DYM: variants seen among roughly 807,000 people sequenced by gnomAD.
DYM encodes the protein dymeclin, also known as dyggve-Melchior-Clausen syndrome protein.
A neutral mutation model predicts 93.1 loss-of-function variants in DYM; 78 were observed. The ratio of observed to expected loss-of-function variants is 0.84; its 90% CI spans 0.70 to 1.01. The LOEUF is 1.01. Among genes scored for constraint, DYM ranks in the 50% least tolerant of loss-of-function variants. DYM has a pLI of 0.00. For synonymous variants in DYM, 321 were observed against 319.7 expected (o/e 1.00, Z -0.04); for missense variants, 789 against 845.0 (o/e 0.93, Z 0.82).
intron 13 of DYM, among the ~76,000 whole-genome samples, chr18:49,212,070 C>A (rs925330119): frequency 3.3e-5 from 5 of 151,898 alleles, no homozygotes; most frequent in Non-Finnish European, 7.4e-5. Context: ...ATCTAATTCC[C>A]AAAAAATCAA....
chr18:49,377,248 T>C (rs1462623561), intron 5 of DYM, among the ~76,000 whole-genome samples: 1 of 152,194 alleles, frequency 6.6e-6, no homozygotes, highest in Admixed American at 6.6e-5. Flanking sequence ...TCTTTTCTAC[T>C]TCCCCATAAT....
At chr18:49,292,641 G>A (rs1220184687) in intron 8 of DYM, among the ~76,000 whole-genome samples, 2 of 114,420 alleles carry the variant, frequency 1.7e-5, no homozygotes, top group Admixed American at 9.4e-5. Context: ...ACAAAAACCT[G>A]TCCACCAGAA....
At chr18:49,303,696 A>G (rs1200998270) in intron 8 of DYM, among the ~76,000 whole-genome samples, 1 of 152,216 alleles carries the variant, frequency 6.6e-6, no homozygotes, top group Non-Finnish European at 1.5e-5. Flanking sequence ...CCAATTCTGA[A>G]GGACCACAGA....
In DYM at chr18:49,099,422, CA is replaced by C. The variant is rs199598742; in HGVS notation, c.1912-1908del. On this transcript the variant is annotated intron_variant, in intron 16 of 17. Transcript: ENST00000675505. ...GTGATTTTGATGATCAGTCAGAATC[CA>C]GACCAGAGGTTTCCAAACTTTTCAA... 1.6e-4 allele frequency among the ~76,000 whole-genome samples: 25 copies of C among 152,216 alleles called. No individual in the cohort carries two copies. In the East Asian group the frequency reaches 4.1e-3, roughly 25 times the overall value.
chr18:49,349,208 AAAAC>A (rs751673874), intron 6 of DYM, among the ~76,000 whole-genome samples: 3,838 of 152,214 alleles, frequency 0.025, 148 homozygotes, highest in African/African-American at 0.086. Context: ...ACTGTCTCAA[AAAAC>A]AAACAAACAA....
intron 14 of DYM, among the ~76,000 whole-genome samples, chr18:49,177,491 T>C (rs2089513340): frequency 6.6e-6 from 1 of 152,160 alleles, no homozygotes; most frequent in South Asian, 2.1e-4. Context: ...CCCTTAATCT[T>C]AATTTAGTGA....
intron 11 of DYM, among the ~76,000 whole-genome samples, chr18:49,271,533 G>A (rs1479884417): frequency 1.3e-5 from 2 of 152,040 alleles, no homozygotes; most frequent in Admixed American, 1.3e-4. Context: ...ATGTTACTTC[G>A]AAACATGGAC....
intron 11 of DYM, among the ~76,000 whole-genome samples, chr18:49,261,262 A>C (rs1349782428): frequency 6.6e-6 from 1 of 152,218 alleles, no homozygotes; most frequent in African/African-American, 2.4e-5. Context: ...CACATCACCC[A>C]GCATCCCCCA....
In DYM at chr18:49,313,493, A is replaced by AAAAAG. The variant is rs1568228013; in HGVS notation, c.763+18366_763+18370dup. On this transcript the variant is annotated intron_variant, in intron 8 of 17. Transcript: ENST00000675505. ...AAAAAAAAAAAAAAAAAAAAAAAAA[A>AAAAAG]AAAAGGGCTGCAGTAAAAAACCTGG... 6.6e-4 allele frequency among the ~76,000 whole-genome samples: 93 copies of AAAAAG among 141,104 alleles called. 2 individuals are homozygous for AAAAAG. Among genetic ancestry groups the AAAAAG allele is most frequent in the African/African-American group, 2.5e-3 (87 of 35,266 alleles). The allele number at this position is 141,104 out of a possible 152,430, so 92.6% of individuals were successfully genotyped here.
At position 49,204,340 on chromosome 18, in the gene DYM, A is replaced by T. The variant is rs555059549; in HGVS notation, c.1625+5211T>A. ...CAAGCAGCAACAATCTGAAGAGCCG[A>T]GTTAATAGTAACTCAAAATAAACTG... On this transcript the variant is annotated intron_variant, in intron 14 of 17. Coordinates refer to ENST00000675505, the MANE Select transcript of DYM (RefSeq NM_001353214.3). Among the ~76,000 whole-genome samples, 4 of 152,344 alleles carry T rather than the reference A, an allele frequency of 2.6e-5. 1 individual carries two copies. Among genetic ancestry groups the T allele is most frequent in the African/African-American group, 9.6e-5 (4 of 41,576 alleles).
At chr18:49,353,235 A>C (rs914374278) in intron 6 of DYM, among the ~76,000 whole-genome samples, 3 of 152,180 alleles carry the variant, frequency 2.0e-5, no homozygotes, top group Non-Finnish European at 4.4e-5. Context: ...TCTAGAAATT[A>C]GTAATATTTT....
chr18:49,085,832 G>T (rs1005879470), intron 17 of DYM, among the ~76,000 whole-genome samples: 1 of 151,926 alleles, frequency 6.6e-6, no homozygotes. Flanking sequence ...GCTCTTGAAC[G>T]TCTGACTGGT....
intron 13 of DYM, among the ~76,000 whole-genome samples, chr18:49,223,541 A>G (rs1450126512): frequency 6.6e-6 from 1 of 152,168 alleles, no homozygotes; most frequent in African/African-American, 2.4e-5. Flanking sequence ...AAAGATAATC[A>G]GGCATAATGT....
At position 49,452,784 on chromosome 18, in the gene DYM, T is replaced by C. The variant is rs1482262688; in HGVS notation, c.-54+7614A>G. 3.0e-5 allele frequency among the ~76,000 whole-genome samples: 4 copies of C among 135,544 alleles called. 1 individual carries two copies. The highest frequency in any genetic ancestry group is 5.7e-5 in the African/African-American group (2 of 34,786). The allele number at this position is 135,544 out of a possible 152,430, so 88.9% of individuals were successfully genotyped here. ...TGGCAGGCAGCTCTGCCTGCGGCCC[T>C]GGTGCAGGATCCACCAGGTGAAGCC... On this transcript the variant is annotated intron_variant, in intron 1 of 17. Transcript: ENST00000675505.
intron 17 of DYM, among the ~76,000 whole-genome samples, chr18:49,095,573 T>A (rs896492056): frequency 1.1e-4 from 17 of 152,014 alleles, no homozygotes; most frequent in African/African-American, 4.1e-4. Context: ...CCAAATTAAC[T>A]GGCCCTCTTA....
intron 13 of DYM, among the ~76,000 whole-genome samples, chr18:49,214,329 A>C (rs1261369901): frequency 6.6e-6 from 1 of 152,222 alleles, no homozygotes; most frequent in Non-Finnish European, 1.5e-5. Context: ...AGGAAGACGA[A>C]CCCTATTATG....
At chr18:49,357,689 A>G (rs1019423073) in intron 6 of DYM, among the ~76,000 whole-genome samples, 2 of 152,230 alleles carry the variant, frequency 1.3e-5, no homozygotes, top group Non-Finnish European at 2.9e-5. Flanking sequence ...GAAATATTTG[A>G]GTCTACCATG....
chr18:49,422,213 C>T (rs1342757760), intron 2 of DYM, among the ~76,000 whole-genome samples: 2 of 152,134 alleles, frequency 1.3e-5, no homozygotes, highest in Non-Finnish European at 2.9e-5. Flanking sequence ...TCAGATTCAA[C>T]CAAGTTGAAA....
Position 49,306,141 on chromosome 18 carries a change from C to T in DYM, c.764-19525G>A, listed in dbSNP as rs560355206. Among the ~76,000 whole-genome samples the T allele has an allele frequency of 2.6e-5, 4 of 152,210 alleles. No homozygotes were observed. The East Asian group carries it at 5.8e-4, about 22-fold the overall frequency. On this transcript the variant is annotated intron_variant, in intron 8 of 17. Transcript: ENST00000675505. ...TGCAGATGGAAGAGAAATGGAAATTCTAGGAGACCAAGATACATGAAGAAT... is the reference window on the plus strand; with the variant it reads ...TGCAGATGGAAGAGAAATGGAAATTTTAGGAGACCAAGATACATGAAGAAT...
Sources: gnomAD v4.1 joint callset for allele counts (sites outside exome capture counted in the v4.1 genomes callset) on GRCh38, gnomAD v4.1.1 for gene constraint, MANE v1.5 for transcripts, NCBI Gene and HGNC (gene_info 2026-07-23, HGNC 2026-07-21) for gene names.